The following KIAA1671 variants were observed in gnomAD, a reference collection of about 807,000 sequenced individuals.
The protein encoded by KIAA1671 is uncharacterized protein KIAA1671.
KIAA1671 carries 52 observed loss-of-function variants against 131.2 expected under a neutral mutation model. The observed-to-expected ratio is 0.40, with a 90% CI of 0.32 to 0.50. KIAA1671 has a LOEUF of 0.50. Ranked by LOEUF, KIAA1671 falls within the 20% of genes least tolerant of loss-of-function variation. KIAA1671 has a pLI of 0.73. For missense variants in KIAA1671, 2,360 were observed against 2,364.2 expected (o/e 1.00, Z 0.04); for synonymous variants, 1,003 against 961.6 (o/e 1.04, Z -0.80).
chr22:25,079,252 T>A (rs1237247925), intron 6 of KIAA1671, among the ~76,000 whole-genome samples: 1 of 151,170 alleles, frequency 6.6e-6, no homozygotes, highest in East Asian at 1.9e-4. Flanking sequence ...TTTTTTGAGA[T>A]GGAGTCTCGC....
intron 4 of KIAA1671, among the ~76,000 whole-genome samples, chr22:25,037,926 G>A (rs919200673): frequency 6.6e-6 from 1 of 151,948 alleles, no homozygotes; most frequent in African/African-American, 2.4e-5. Context: ...TGCAATCTCC[G>A]CCCTCCAGGT....
intron 1 of KIAA1671, among the ~76,000 whole-genome samples, chr22:24,987,858 G>A (rs1178201339): frequency 6.6e-6 from 1 of 152,202 alleles, no homozygotes; most frequent in African/African-American, 2.4e-5. Flanking sequence ...ACTTTCTGAA[G>A]TAGAACCTGG....
intron 10 of KIAA1671, among the ~76,000 whole-genome samples, chr22:25,182,040 G>C (rs753684244): frequency 6.6e-6 from 1 of 152,080 alleles, no homozygotes; most frequent in Non-Finnish European, 1.5e-5. Context: ...TTAGCCGGGC[G>C]TGGTGGCGGG....
At chr22:25,103,962 G>A (rs1356014678) in intron 6 of KIAA1671, among the ~76,000 whole-genome samples, 2 of 152,130 alleles carry the variant, frequency 1.3e-5, no homozygotes, top group East Asian at 1.9e-4. Flanking sequence ...TATTTCCACT[G>A]TACCACCTTC....
intron 1 of KIAA1671, among the ~76,000 whole-genome samples, chr22:24,974,461 G>T (rs1922804428): frequency 6.6e-6 from 1 of 152,056 alleles, no homozygotes; most frequent in South Asian, 2.1e-4. Context: ...ATTAGCCCAT[G>T]GTCAGTCGGC....
At chr22:25,188,683 T>TA (rs1934559751) in intron 11 of KIAA1671, among the ~76,000 whole-genome samples, 1 of 152,160 alleles carries the variant, frequency 6.6e-6, no homozygotes, top group Non-Finnish European at 1.5e-5. Context: ...TACAATAAAG[T>TA]AAGCTAGAGG....
intron 7 of KIAA1671, 127 bp from the exon 8 acceptor site, chr22:25,174,111 TTC>T: frequency 9.8e-7 from 1 of 1,018,382 alleles, no homozygotes; most frequent in Non-Finnish European, 1.4e-6. Context: ...TGCTGGGATG[TTC>T]TGTCTGTTGT....
intron 4 of KIAA1671, among the ~76,000 whole-genome samples, chr22:25,036,436 A>G (rs1926601234): frequency 6.6e-6 from 1 of 152,192 alleles, no homozygotes; most frequent in African/African-American, 2.4e-5. Context: ...TATCATTTTA[A>G]CTATTTTTAA....
intron 6 of KIAA1671, among the ~76,000 whole-genome samples, chr22:25,165,701 G>T (rs1489671778): frequency 6.6e-6 from 1 of 152,210 alleles, no homozygotes; most frequent in Non-Finnish European, 1.5e-5. Context: ...TGGGAGCCTG[G>T]GGCCTCCTGA....
chr22:25,134,878 C>A (rs538063251), intron 6 of KIAA1671, among the ~76,000 whole-genome samples: 1 of 152,288 alleles, frequency 6.6e-6, no homozygotes, highest in African/African-American at 2.4e-5. Flanking sequence ...AATATACAGG[C>A]AGACCTGATG....
rs201992747 is a variant in KIAA1671, at chr22:25,041,188, G to A, written c.4058G>A (p.Arg1353Gln). The A allele has an allele frequency of 1.8e-4, 285 of 1,551,794 alleles. No individual in the cohort carries two copies. In the East Asian group the frequency reaches 4.4e-3, roughly 24 times the overall value. ...CTGGCTGAGTCAAAGCCCTCTGGTC[G>A]GGAGGATCCAGGCAGTGGGGTCAGG... ...NYLAESKPSG[R>Q]EDPGSGVRVS... Residue 1353 changes from arginine (R) to glutamine (Q), a missense_variant, in exon 5 of 13, where the codon CGG becomes CAG. This residue lies in a region of KIAA1671 where 1,161 missense variants were observed against 1,204.7 expected (regional missense o/e 0.96). Coordinates refer to ENST00000358431, the MANE Select transcript of KIAA1671 (RefSeq NM_001145206.2).
In KIAA1671 at chr22:25,118,718, C is replaced by A. The variant is rs571301189; in HGVS notation, c.4531-52102C>A. ...ATCAGGTCATTCCCCTGCCTCACCC[C>A]AGACTTAGATGCCCAGTTTTCCTGT... is the stretch of plus-strand genomic sequence containing the variant. On this transcript the variant is annotated intron_variant, in intron 6 of 12. Transcript: ENST00000358431. Among the ~76,000 whole-genome samples the A allele has an allele frequency of 9.1e-4, 139 of 152,248 alleles. 1 individual carries two copies. The highest frequency in any genetic ancestry group is 3.3e-3 in the African/African-American group (137 of 41,550).
At chr22:25,156,961 C>G (rs558450414) in intron 6 of KIAA1671, among the ~76,000 whole-genome samples, 36 of 152,242 alleles carry the variant, frequency 2.4e-4, no homozygotes, top group African/African-American at 8.2e-4. Context: ...GTTCTGTCAC[C>G]TGACAAGTTG....
chr22:25,076,002 C>T (rs1262585307), intron 6 of KIAA1671, among the ~76,000 whole-genome samples: 1 of 151,482 alleles, frequency 6.6e-6, no homozygotes, highest in Non-Finnish European at 1.5e-5. Flanking sequence ...TCTCGAACTC[C>T]TGACCTCAGG....
At chr22:25,165,015 G>GTC (rs1933598186) in intron 6 of KIAA1671, among the ~76,000 whole-genome samples, 1 of 149,784 alleles carries the variant, frequency 6.7e-6, no homozygotes. Context: ...GTGTGTGTGT[G>GTC]TGTGTGTCTG....
intron 1 of KIAA1671, among the ~76,000 whole-genome samples, chr22:24,985,012 C>T (rs1752046301): frequency 6.6e-6 from 1 of 151,898 alleles, no homozygotes; most frequent in Admixed American, 6.6e-5. Flanking sequence ...TATCCTAGGC[C>T]CCGGGCCCAG....
chr22:25,065,720 A>G (rs1029503614), intron 6 of KIAA1671, among the ~76,000 whole-genome samples: 1 of 150,642 alleles, frequency 6.6e-6, no homozygotes, highest in Non-Finnish European at 1.5e-5. Context: ...GCTTACTGCA[A>G]CCTCCACCTC....
At position 25,060,897 on chromosome 22, in the gene KIAA1671, C is replaced by T. The variant is rs1928122304; in HGVS notation, c.4530+11533C>T. 2.0e-5 allele frequency: 3 copies of T among 152,292 alleles called. No homozygotes were observed. In the South Asian group the frequency reaches 6.2e-4, roughly 32 times the overall value. The allele number at this position is 152,292 out of a possible 1,614,324, so 9.4% of individuals were successfully genotyped here. On this transcript the variant is annotated intron_variant, in intron 6 of 12. Coordinates refer to ENST00000358431, the MANE Select transcript of KIAA1671 (RefSeq NM_001145206.2). ...TCTAAACCTGAAACATCCAAATTTT[C>T]CATGACCACTTAGATTTTCATCTTT...
intron 1 of KIAA1671, among the ~76,000 whole-genome samples, chr22:24,956,599 G>A (rs1182531980): frequency 6.6e-6 from 1 of 152,124 alleles, no homozygotes; most frequent in African/African-American, 2.4e-5. Context: ...GGGCGTGGTG[G>A]CTCACGCCTG....
Sources: allele counts gnomAD v4.1 joint callset (sites outside exome capture counted in the v4.1 genomes callset), GRCh38; gene constraint gnomAD v4.1.1; regional missense constraint gnomAD v4.1.1; transcripts MANE v1.5; gene names NCBI Gene and HGNC (gene_info 2026-07-23, HGNC 2026-07-21).